Variants in OR6B1 observed in about 807,000 individuals in gnomAD.
OR6B1 encodes the protein olfactory receptor 6B1.
Under a neutral mutation model 15.4 loss-of-function variants are expected in OR6B1, and 15 were observed. The observed-to-expected ratio is 0.97, with a 90% confidence interval of 0.65 to 1.50. OR6B1 has a LOEUF of 1.50. OR6B1 is among the 40% of genes most tolerant of loss of function. The pLI is 0.00. For missense variants in OR6B1, 384 were observed against 385.0 expected (o/e 1.00, Z 0.02); for synonymous variants, 139 against 144.9 (o/e 0.96, Z 0.29).
In OR6B1 at chr7:144,006,061, A is replaced by G. The variant is rs1363207713; in HGVS notation, c.*1129A>G. 2.0e-5 allele frequency: 3 copies of G among 152,256 alleles called. No individual in the cohort carries two copies. Among genetic ancestry groups the G allele is most frequent in the Non-Finnish European group, 4.4e-5 (3 of 68,046 alleles). The allele number at this position is 152,256 out of a possible 1,614,324, so 9.4% of individuals were successfully genotyped here. On this transcript the variant is annotated 3_prime_UTR_variant, in exon 2 of 2. Transcript: ENST00000641698. ...AGTTTTAAACAGGAGAGTTTCTTGC[A>G]TTAATAACATCTTTTAGCTAAGAAC... is the stretch of plus-strand genomic sequence containing the variant.
rs377199296 is a variant in OR6B1 at position 144,004,391 on chromosome 7, A to G, written c.395A>G (p.Tyr132Cys). Residue 132 changes from tyrosine (Y) to cysteine (C), a missense_variant, in exon 2 of 2, where the codon TAC becomes TGC. By Grantham distance (194) the Tyr-to-Cys change is radical. Coordinates refer to ENST00000641698, the MANE Select transcript of OR6B1 (RefSeq NM_001005281.3). ...GTGGCCATCTGTCGCCCACTCCACT[A>G]CCCAACCATAATGAGCCATGGGCTC... Reference protein sequence around the residue: ...RYVAICRPLHYPTIMSHGLCF... With the variant: ...RYVAICRPLHCPTIMSHGLCF... The G allele has an allele frequency of 7.2e-5, 117 of 1,613,892 alleles. No homozygotes were observed. Among genetic ancestry groups the G allele is most frequent in the Non-Finnish European group, 9.2e-5 (109 of 1,180,002 alleles).
chr7:144,004,700 C>T lies in OR6B1; in HGVS notation c.704C>T (p.Ala235Val), dbSNP rs763913195. The T allele has an allele frequency of 1.6e-5, 26 of 1,614,056 alleles. No individual in the cohort carries two copies. Among genetic ancestry groups the T allele is most frequent in the East Asian group, 1.3e-4 (6 of 44,894 alleles). ...TGCATGCCCACAGGAAAGCAGAAAG[C>T]GTTCTCCACTTGTGCCTCCCATCTT... Reference protein sequence around the residue: ...ILCMPTGKQKAFSTCASHLVV... With the variant: ...ILCMPTGKQKVFSTCASHLVV... Residue 235 changes from alanine (A) to valine (V), a missense_variant, in exon 2 of 2, where the codon GCG becomes GTG. Ala to Val is a moderately conservative substitution (Grantham distance 64). Coordinates refer to ENST00000641698, the MANE Select transcript of OR6B1 (RefSeq NM_001005281.3).
At position 144,005,967 on chromosome 7, in the gene OR6B1, G is replaced by C. The variant is rs933715152; in HGVS notation, c.*1035G>C. On this transcript the variant is annotated 3_prime_UTR_variant, in exon 2 of 2. Transcript: ENST00000641698. ...CATAGTTTTGCCATTGGCAAAGGGAGATATATTTTTAAGCTGTATTCAACA... is the reference window on the plus strand; with the variant it reads ...CATAGTTTTGCCATTGGCAAAGGGACATATATTTTTAAGCTGTATTCAACA... 1.3e-5 allele frequency: 2 copies of C among 152,236 alleles called. No homozygotes were observed. The highest frequency in any genetic ancestry group is 4.8e-5 in the African/African-American group (2 of 41,468). 9.4% of individuals were successfully genotyped at this position (152,236 alleles called of 1,614,324 possible).
chr7:144,004,670 T>C lies in OR6B1; in HGVS notation c.674T>C (p.Ile225Thr). The change falls in exon 2 of 2, where the codon ATA (isoleucine) becomes ACA (threonine). Residue 225 changes from isoleucine to threonine, a missense_variant. Transcript: ENST00000641698. ...VLSYGCILAT[I>T]LCMPTGKQKA... ...TCCTACGGATGCATTCTGGCCACCA[T>C]ATTATGCATGCCCACAGGAAAGCAG... is the stretch of plus-strand genomic sequence containing the variant. The C allele has an allele frequency of 6.2e-7, 1 of 1,614,220 alleles. No individual in the cohort carries two copies. The highest frequency in any genetic ancestry group is 8.5e-7 in the Non-Finnish European group (1 of 1,180,018).
intron 1 of OR6B1, among the ~76,000 whole-genome samples, chr7:144,003,232 G>A (rs1386392102): frequency 6.6e-6 from 1 of 152,044 alleles, no homozygotes; most frequent in Non-Finnish European, 1.5e-5. Flanking sequence ...CCCCTTTCAC[G>A]ATTATTGCCA....
chr7:144,004,823 A>G lies in OR6B1; in HGVS notation c.827A>G (p.Tyr276Cys). The G allele has an allele frequency of 6.2e-7, 1 of 1,613,866 alleles. No individual in the cohort carries two copies. Residue 276 changes from tyrosine to cysteine, a missense_variant, in exon 2 of 2, where the codon TAT (tyrosine) becomes TGT (cysteine). Coordinates refer to ENST00000641698, the MANE Select transcript of OR6B1 (RefSeq NM_001005281.3). The part of the protein sequence containing the change: ...FNMNKIISIF[Y>C]AIVTPSLNPF... ...ATGAACAAAATTATTTCCATCTTCT[A>G]TGCCATTGTCACTCCTTCTCTCAAC... is the stretch of plus-strand genomic sequence containing the variant.
chr7:144,003,112 T>TGAGC (rs1321484304), intron 1 of OR6B1, among the ~76,000 whole-genome samples: 1 of 152,330 alleles, frequency 6.6e-6, no homozygotes, highest in East Asian at 1.9e-4. Flanking sequence ...ATTCCCTGAA[T>TGAGC]GAGCCCATGT....
In OR6B1 at chr7:144,006,458, C is replaced by T. The variant is rs2050625406; in HGVS notation, c.*1526C>T. On this transcript the variant is annotated 3_prime_UTR_variant, in exon 2 of 2. Transcript: ENST00000641698. ...AAACAAAAATAAAATGCAAGCACAACTTGCTTTAGGGAATAAATGTGCAAA... is the reference window on the plus strand; with the variant it reads ...AAACAAAAATAAAATGCAAGCACAATTTGCTTTAGGGAATAAATGTGCAAA... The T allele has an allele frequency of 6.6e-6, 1 of 152,166 alleles. No individual in the cohort carries two copies. The highest frequency in any genetic ancestry group is 2.1e-4 in the South Asian group (1 of 4,832). 9.4% of individuals were successfully genotyped at this position (152,166 alleles called of 1,614,324 possible). A position where few individuals can be genotyped will look rare whatever the true frequency, so the allele number is the denominator to read the frequency against.
Position 144,004,191 on chromosome 7 carries a change from C to G in OR6B1, c.195C>G (p.Asn65Lys). 3 of 1,614,188 alleles carry G rather than the reference C, an allele frequency of 1.9e-6. No homozygotes were observed. Among genetic ancestry groups the G allele is most frequent in the Non-Finnish European group, 2.5e-6 (3 of 1,180,032 alleles). Residue 65 changes from asparagine (N) to lysine (K), a missense_variant, in exon 2 of 2, where the codon AAC (asparagine) becomes AAG (lysine). Transcript: ENST00000641698. ...AGCCTATGTACTTCTTCCTGGCCAA[C>G]CTGTCCTTCTTGGAGACCTGGTACA... ...LHKPMYFFLA[N>K]LSFLETWYIS...
chr7:144,003,932 C>T, intron 1 of OR6B1, 40 bp from the exon 2 acceptor site: 1 of 1,046,400 alleles, frequency 9.6e-7, no homozygotes, highest in Non-Finnish European at 1.4e-6. Flanking sequence ...AAAAATATAG[C>T]TGGGCCATGG....
chr7:144,003,059 A>AG (rs1418204532), intron 1 of OR6B1, among the ~76,000 whole-genome samples: 1 of 152,070 alleles, frequency 6.6e-6, no homozygotes, highest in African/African-American at 2.4e-5. Context: ...GTCTTTAAAA[A>AG]TCTTCACTCA....
At position 144,004,650 on chromosome 7, in the gene OR6B1, C is replaced by T. The variant is rs779262420; in HGVS notation, c.654C>T (p.Tyr218=). ...LFPLFITVLS[Y]GCILATILCM... Reference sequence around the variant, plus strand: ...CACTCTTTATTACTGTCCTGTCCTACGGATGCATTCTGGCCACCATATTAT... The same window carrying T: ...CACTCTTTATTACTGTCCTGTCCTATGGATGCATTCTGGCCACCATATTAT... Residue 218 remains tyrosine, a synonymous_variant, in exon 2 of 2, where the codon TAC becomes TAT. Coordinates refer to ENST00000641698, the MANE Select transcript of OR6B1 (RefSeq NM_001005281.3). 58 of 1,614,190 alleles carry T rather than the reference C, an allele frequency of 3.6e-5. No individual in the cohort carries two copies. The highest frequency in any genetic ancestry group is 3.1e-4 in the East Asian group (14 of 44,888).
At chr7:144,001,905 G>C (rs1387317387) in intron 1 of OR6B1, among the ~76,000 whole-genome samples, 1 of 152,012 alleles carries the variant, frequency 6.6e-6, no homozygotes, top group East Asian at 1.9e-4. Context: ...CATTTACCAA[G>C]CATTTCTATA....
rs1317385047 is a variant in OR6B1 at position 144,005,238 on chromosome 7, G to C, written c.*306G>C. 1 of 269,202 alleles carries C rather than the reference G, an allele frequency of 3.7e-6. No homozygotes were observed. Among genetic ancestry groups the C allele is most frequent in the African/African-American group, 2.2e-5 (1 of 45,056 alleles). 16.7% of individuals were successfully genotyped at this position (269,202 alleles called of 1,614,324 possible). On this transcript the variant is annotated 3_prime_UTR_variant, in exon 2 of 2. Coordinates refer to ENST00000641698, the MANE Select transcript of OR6B1 (RefSeq NM_001005281.3). ...AGAGATGGTGATGGGTGAGTTAGCT[G>C]TTTTTGGATCTGCCATACACTAATA...
Position 144,004,161 on chromosome 7 carries a change from G to A in OR6B1, c.165G>A (p.Leu55=). 1.2e-6 allele frequency: 2 copies of A among 1,614,182 alleles called. No homozygotes were observed. The highest frequency in any genetic ancestry group is 1.7e-6 in the Non-Finnish European group (2 of 1,180,030). The part of the protein sequence containing the change: ...IILLVLQNRP[L]HKPMYFFLAN... The stretch of plus-strand genomic sequence containing the variant: ...TATTGGTGCTGCAAAATCGGCCACT[G>A]CACAAGCCTATGTACTTCTTCCTGG... Residue 55 remains leucine, a synonymous_variant, in exon 2 of 2, where the codon CTG becomes CTA. Coordinates refer to ENST00000641698, the MANE Select transcript of OR6B1 (RefSeq NM_001005281.3).
rs368578951 is a variant in OR6B1, at chr7:144,004,047, C to A, written c.51C>A (p.Phe17Leu). ...TRVTKFILVG[F>L]PGSLSMRAAM... ...TCACCAAGTTCATTCTGGTGGGATT[C>A]CCTGGGAGCTTGAGTATGCGGGCAG... Residue 17 changes from phenylalanine (F) to leucine (L), a missense_variant, in exon 2 of 2, where the codon TTC (phenylalanine) becomes TTA (leucine). Coordinates refer to ENST00000641698, the MANE Select transcript of OR6B1 (RefSeq NM_001005281.3). 6.2e-6 allele frequency: 10 copies of A among 1,613,744 alleles called. No individual in the cohort carries two copies. In the African/African-American group the frequency reaches 6.7e-5, roughly 11 times the overall value.
rs1245818756 is a variant in OR6B1 at position 144,008,506 on chromosome 7, A to G, written c.*3574A>G. On this transcript the variant is annotated 3_prime_UTR_variant, in exon 2 of 2. Transcript: ENST00000641698. ...TGGTCTGGCTCTGTTTCCCTACCCAAATCTCATCTTGATTGTAATCCCCAC... is the reference window on the plus strand; with the variant it reads ...TGGTCTGGCTCTGTTTCCCTACCCAGATCTCATCTTGATTGTAATCCCCAC... 6.6e-6 allele frequency: 1 copy of G among 152,170 alleles called. No homozygotes were observed. The highest frequency in any genetic ancestry group is 1.5e-5 in the Non-Finnish European group (1 of 68,054). The allele number at this position is 152,170 out of a possible 1,614,324, so 9.4% of individuals were successfully genotyped here. A position where few individuals can be genotyped will look rare whatever the true frequency, so the allele number is the denominator to read the frequency against.
At chr7:144,001,915 A>G (rs1563011285) in intron 1 of OR6B1, among the ~76,000 whole-genome samples, 1 of 152,206 alleles carries the variant, frequency 6.6e-6, no homozygotes, top group East Asian at 1.9e-4. Context: ...GCATTTCTAT[A>G]CATTCATTTC....
intron 1 of OR6B1, among the ~76,000 whole-genome samples, chr7:144,002,880 C>T (rs970724146): frequency 1.3e-5 from 2 of 152,144 alleles, no homozygotes; most frequent in African/African-American, 2.4e-5. Context: ...CAGCTCCCTA[C>T]AACCTCAGCC....
Sources: gnomAD v4.1 joint callset for allele counts (sites outside exome capture counted in the v4.1 genomes callset) on GRCh38, gnomAD v4.1.1 for gene constraint, MANE v1.5 for transcripts, NCBI Gene and HGNC (gene_info 2026-07-23, HGNC 2026-07-21) for gene names.